ERC2: variants seen among roughly 807,000 people sequenced by gnomAD.
ERC2 encodes ELKS/RAB6-interacting/CAST family member 2.
Under a neutral mutation model 114.8 loss-of-function variants are expected in ERC2, and 42 were observed. The ratio of observed to expected loss-of-function variants is 0.37; its 90% confidence interval spans 0.29 to 0.47. The LOEUF is 0.47. ERC2 is among the 20% of genes least tolerant of loss of function. The probability of loss-of-function intolerance (pLI) is 0.99; values close to 1 mark genes in which losing one functional copy is unlikely to be tolerated. For synonymous variants in ERC2, 454 were observed against 425.5 expected (o/e 1.07, Z -0.82); for missense variants, 939 against 1,150.7 (o/e 0.82, Z 2.66).
At chr3:56,010,337 T>C in intron 9 of ERC2, 112 bp downstream of exon 9, 1 of 1,296,430 alleles carries the variant, frequency 7.7e-7, no homozygotes. Flanking sequence ...GGTTACTACA[T>C]TCCCCAAGCC....
At chr3:55,688,395 C>T (rs1264379504) in intron 16 of ERC2, among the ~76,000 whole-genome samples, 3 of 152,092 alleles carry the variant, frequency 2.0e-5, no homozygotes, top group Non-Finnish European at 4.4e-5. Context: ...CCAAAGGACA[C>T]CTGGCCAGCA....
At chr3:56,348,256 T>A (rs1361038235) in intron 2 of ERC2, among the ~76,000 whole-genome samples, 1 of 152,146 alleles carries the variant, frequency 6.6e-6, no homozygotes, top group Non-Finnish European at 1.5e-5. Flanking sequence ...GGGTCCTTTT[T>A]TCAGGCCAGA....
At chr3:56,308,685 C>T (rs540554611) in intron 2 of ERC2, among the ~76,000 whole-genome samples, 2 of 152,042 alleles carry the variant, frequency 1.3e-5, no homozygotes, top group East Asian at 3.9e-4. Context: ...GGGGAAAAAA[C>T]AAAAATGATA....
chr3:56,046,647 G>A (rs962825713), intron 7 of ERC2, among the ~76,000 whole-genome samples: 1 of 152,174 alleles, frequency 6.6e-6, no homozygotes, highest in African/African-American at 2.4e-5. Flanking sequence ...TGGACAGAGT[G>A]TCAGCATAAA....
intron 3 of ERC2, among the ~76,000 whole-genome samples, chr3:56,244,870 T>A (rs1430320359): frequency 6.6e-6 from 1 of 152,160 alleles, no homozygotes; most frequent in Admixed American, 6.5e-5. Context: ...TCATGGTAGG[T>A]GGCCTACATG....
intron 13 of ERC2, among the ~76,000 whole-genome samples, chr3:55,894,037 C>T (rs1271758006): frequency 6.6e-6 from 1 of 152,094 alleles, no homozygotes; most frequent in Admixed American, 6.5e-5. Flanking sequence ...ATTCTTAACA[C>T]AAGAGGCGGA....
intron 3 of ERC2, among the ~76,000 whole-genome samples, chr3:56,189,351 C>T (rs918883099): frequency 2.0e-5 from 3 of 152,150 alleles, no homozygotes; most frequent in Non-Finnish European, 2.9e-5. Context: ...AAGAACCATC[C>T]TGGTGACTCT....
intron 1 of ERC2, among the ~76,000 whole-genome samples, chr3:56,441,832 C>A (rs1230183886): frequency 6.6e-6 from 1 of 152,160 alleles, no homozygotes; most frequent in Non-Finnish European, 1.5e-5. Flanking sequence ...CCGGCGTGAG[C>A]CACCATCCCC....
chr3:56,195,128 G>A (rs866780350), intron 3 of ERC2, among the ~76,000 whole-genome samples: 2 of 152,078 alleles, frequency 1.3e-5, no homozygotes, highest in African/African-American at 4.8e-5. Context: ...CTTGGGCTTT[G>A]GGGCCATTAT....
chr3:55,832,714 A>C (rs969169049), intron 14 of ERC2, among the ~76,000 whole-genome samples: 1 of 152,254 alleles, frequency 6.6e-6, no homozygotes, highest in African/African-American at 2.4e-5. Context: ...TCCTCCTTCA[A>C]AGGAACGCAG....
chr3:56,058,976 A>G (rs1348897503), intron 7 of ERC2, among the ~76,000 whole-genome samples: 1 of 151,540 alleles, frequency 6.6e-6, no homozygotes, highest in Non-Finnish European at 1.5e-5. Flanking sequence ...GCCCTTACCC[A>G]CTCTCCCTGG....
intron 17 of ERC2, among the ~76,000 whole-genome samples, chr3:55,632,852 T>A (rs1322958041): frequency 6.6e-6 from 1 of 152,154 alleles, no homozygotes; most frequent in Non-Finnish European, 1.5e-5. Flanking sequence ...AGAAAGGAAG[T>A]TGGTTAGTCA....
chr3:56,238,075 G>A (rs114120978), intron 3 of ERC2, among the ~76,000 whole-genome samples: 2,191 of 152,206 alleles, frequency 0.014, 60 homozygotes, highest in African/African-American at 0.05. Context: ...CTGGGCCATG[G>A]ACTTTAGAGG....
At chr3:56,414,815 G>A (rs148751021) in intron 2 of ERC2, among the ~76,000 whole-genome samples, 2 of 152,068 alleles carry the variant, frequency 1.3e-5, no homozygotes, top group Non-Finnish European at 2.9e-5. Context: ...CAGGTACAGA[G>A]TTTTCACTCA....
At chr3:55,712,220 T>C (rs1221565966) in intron 15 of ERC2, among the ~76,000 whole-genome samples, 1 of 152,138 alleles carries the variant, frequency 6.6e-6, no homozygotes, top group African/African-American at 2.4e-5. Context: ...GAAAATTAGT[T>C]GGGGCTGATT....
chr3:55,617,425 C>T (rs1007015760), intron 17 of ERC2, among the ~76,000 whole-genome samples: 1 of 152,206 alleles, frequency 6.6e-6, no homozygotes, highest in African/African-American at 2.4e-5. Context: ...AAACAATTTT[C>T]CTCCAGCGTT....
At chr3:55,744,333 G>GGGGGAGGTTGCAGTGA (rs2066174830) in intron 14 of ERC2, among the ~76,000 whole-genome samples, 2 of 152,174 alleles carry the variant, frequency 1.3e-5, no homozygotes, top group Non-Finnish European at 1.5e-5. Flanking sequence ...GAACCCAGCA[G>GGGGGAGGTTGCAGTGA]GGGGAGGTTG....
In ERC2 at chr3:56,434,548, G is replaced by T. The variant is rs1231269291; in HGVS notation, c.460C>A (p.Leu154Met). 1.2e-6 allele frequency: 2 copies of T among 1,613,992 alleles called. No individual in the cohort carries two copies. The highest frequency in any genetic ancestry group is 1.7e-6 in the Non-Finnish European group (2 of 1,179,886). The change falls in exon 2 of 18, where the codon CTG (leucine) becomes ATG (methionine). Residue 154 changes from leucine to methionine, a missense_variant. Around this residue, in one of 5 missense-constraint regions of ERC2, gnomAD observed 281 missense variants for 307.4 expected, o/e 0.91. Coordinates refer to ENST00000288221, the MANE Select transcript of ERC2 (RefSeq NM_015576.3). The part of the protein sequence containing the change: ...DSTMLDLQAQ[L>M]KELQRENDLL... Reference sequence around the variant, plus strand: ...TCATTCTCTCTCTGCAGTTCTTTCAGCTGGGCCTGAAGATCTAACATTGTG... The same window carrying T: ...TCATTCTCTCTCTGCAGTTCTTTCATCTGGGCCTGAAGATCTAACATTGTG...
intron 7 of ERC2, among the ~76,000 whole-genome samples, chr3:56,055,951 A>C (rs920672238): frequency 2.6e-5 from 4 of 152,186 alleles, no homozygotes; most frequent in Non-Finnish European, 5.9e-5. Context: ...GGTTTCTTTA[A>C]AGAAAAATCT....
Sources: gnomAD v4.1 joint callset for allele counts (sites outside exome capture counted in the v4.1 genomes callset) on GRCh38, gnomAD v4.1.1 for gene constraint, gnomAD v4.1.1 regional missense constraint, MANE v1.5 for transcripts, NCBI Gene and HGNC (gene_info 2026-07-23, HGNC 2026-07-21) for gene names.